PGM2L1: variants seen among roughly 807,000 people sequenced by gnomAD.
PGM2L1 encodes the protein phosphoglucomutase 2 like 1, also known as glucose 1,6-bisphosphate synthase.
A neutral mutation model predicts 73.4 loss-of-function variants in PGM2L1; 35 were observed. The observed-to-expected ratio is 0.48, with a 90% CI of 0.36 to 0.63. PGM2L1 has a LOEUF of 0.63. Among genes scored for constraint, PGM2L1 ranks in the 30% least tolerant of loss-of-function variants. PGM2L1 has a pLI of 0.00. For missense variants in PGM2L1, 570 were observed against 742.0 expected (o/e 0.77, Z 2.69); for synonymous variants, 225 against 253.8 (o/e 0.89, Z 1.08).
rs757886817 is a variant in PGM2L1 at position 74,351,517 on chromosome 11, A to G, written c.615T>C (p.Cys205=). The G allele has an allele frequency of 1.2e-6, 2 of 1,613,534 alleles. No individual in the cohort carries two copies. The highest frequency in any genetic ancestry group is 1.7e-5 in the Admixed American group (1 of 59,928). The change falls in exon 6 of 14, where the codon TGT becomes TGC. Residue 205 remains cysteine (C), a synonymous_variant. Coordinates refer to ENST00000298198, the MANE Select transcript of PGM2L1 (RefSeq NM_173582.6). ...TSPHDKEILK[C]IEECVEPWNG... The stretch of plus-strand genomic sequence containing the variant: ...TCCAGGGTTCCACACATTCTTCTAT[A>G]CATTTTAGAATTTCTTTATCATGAG...
chr11:74,342,243 G>T (rs986341307), intron 12 of PGM2L1, among the ~76,000 whole-genome samples: 1 of 151,992 alleles, frequency 6.6e-6, no homozygotes, highest in Non-Finnish European at 1.5e-5. Flanking sequence ...TAAACACGTG[G>T]ACTTGCTGGG....
intron 13 of PGM2L1, among the ~76,000 whole-genome samples, chr11:74,337,243 C>T (rs112701232): frequency 0.018 from 2,734 of 152,320 alleles, 48 homozygotes; most frequent in African/African-American, 0.034. Flanking sequence ...GAGGTGCTGC[C>T]GTTGCCCAGA....
At chr11:74,397,999 G>A in intron 1 of PGM2L1, 52 bp downstream of exon 1, 5 of 1,538,124 alleles carry the variant, frequency 3.3e-6, no homozygotes, top group Non-Finnish European at 4.4e-6. Flanking sequence ...ACAGGAAAGA[G>A]CAGACTGTGT....
chr11:74,389,747 A>C (rs1010863652), intron 1 of PGM2L1, among the ~76,000 whole-genome samples: 4 of 150,258 alleles, frequency 2.7e-5, no homozygotes, highest in East Asian at 4.0e-4. Flanking sequence ...ACTGCGCCCG[A>C]CCGGGAAAAT....
At chr11:74,395,715 T>G (rs1863165754) in intron 1 of PGM2L1, among the ~76,000 whole-genome samples, 1 of 151,938 alleles carries the variant, frequency 6.6e-6, no homozygotes, top group Non-Finnish European at 1.5e-5. Context: ...CCTCTCTTCA[T>G]TCTTTTTATG....
chr11:74,376,564 GTA>G (rs1277214955), intron 1 of PGM2L1, among the ~76,000 whole-genome samples: 3 of 150,970 alleles, frequency 2.0e-5, no homozygotes, highest in African/African-American at 7.3e-5. Context: ...TATCTAATGA[GTA>G]TATATGTGTA....
chr11:74,342,783 T>C (rs1023017896), intron 11 of PGM2L1, 102 bp downstream of exon 11: 1 of 1,406,380 alleles, frequency 7.1e-7, no homozygotes, highest in Non-Finnish European at 9.5e-7. Flanking sequence ...TTAATACTTT[T>C]TAAAAAAGGA....
At chr11:74,366,049 C>A (rs1030343146) in intron 5 of PGM2L1, among the ~76,000 whole-genome samples, 1 of 152,122 alleles carries the variant, frequency 6.6e-6, no homozygotes, top group African/African-American at 2.4e-5. Flanking sequence ...AGGATGAGCT[C>A]ATGTCCTTTG....
chr11:74,378,251 G>A (rs1295634174), intron 1 of PGM2L1, among the ~76,000 whole-genome samples: 2 of 151,838 alleles, frequency 1.3e-5, no homozygotes, highest in African/African-American at 2.4e-5. Context: ...TTAGTGAGCC[G>A]AGATTGCGCC....
intron 1 of PGM2L1, among the ~76,000 whole-genome samples, chr11:74,389,125 T>A (rs1795852969): frequency 1.3e-5 from 2 of 152,134 alleles, no homozygotes; most frequent in African/African-American, 4.8e-5. Flanking sequence ...TGTAACCAGG[T>A]GTGATGGCTT....
At chr11:74,386,081 G>A (rs625153) in intron 1 of PGM2L1, among the ~76,000 whole-genome samples, 144,796 of 152,212 alleles carry the variant, frequency 0.95, 69,309 homozygotes, top group Non-Finnish European at 0.98. Flanking sequence ...TATGTTCTAC[G>A]TGATAAAAAT....
In PGM2L1 at chr11:74,342,454, T is replaced by C. The variant is rs1862197109; in HGVS notation, c.1632+7A>G. The C allele has an allele frequency of 2.1e-6, 3 of 1,417,260 alleles. No homozygotes were observed. In the African/African-American group the frequency reaches 4.4e-5, roughly 21 times the overall value. The allele number at this position is 1,417,260 out of a possible 1,614,324, so 87.8% of individuals were successfully genotyped here. A position where few individuals can be genotyped will look rare whatever the true frequency, so the allele number is the denominator to read the frequency against. The stretch of plus-strand genomic sequence containing the variant: ...TAAATTGTTTGGAAAAAAAAAAAGG[T>C]ACTTACTGATTTCTTATTAGGCTGG... On this transcript the variant is annotated splice_region_variant and intron_variant, in intron 12 of 13. Coordinates refer to ENST00000298198, the MANE Select transcript of PGM2L1 (RefSeq NM_173582.6).
Position 74,347,200 on chromosome 11 carries a change from G to A in PGM2L1, c.887C>T (p.Pro296Leu). ...TGGACATTTAACGGTAGAAAAGTCT[G>A]GATCAGGATCTTTTTGTTCTGGTAC... ...IPVPEQKDPD[P>L]DFSTVKCPNP... Residue 296 changes from proline to leucine, a missense_variant, in exon 7 of 14, where the codon CCA becomes CTA. Physicochemically the swap from Pro to Leu is moderately conservative, Grantham distance 98 (BLOSUM62 -3). Coordinates refer to ENST00000298198, the MANE Select transcript of PGM2L1 (RefSeq NM_173582.6). The A allele has an allele frequency of 4.3e-6, 7 of 1,609,390 alleles. No individual in the cohort carries two copies. Among genetic ancestry groups the A allele is most frequent in the Non-Finnish European group, 5.1e-6 (6 of 1,177,864 alleles).
chr11:74,368,996 G>T (rs1862707116), intron 4 of PGM2L1, among the ~76,000 whole-genome samples: 1 of 152,060 alleles, frequency 6.6e-6, no homozygotes, highest in Non-Finnish European at 1.5e-5. Context: ...CTGATACTAT[G>T]CTTTTGTTAA....
chr11:74,342,244 A>C (rs1210344565), intron 12 of PGM2L1, among the ~76,000 whole-genome samples: 1 of 152,066 alleles, frequency 6.6e-6, no homozygotes, highest in African/African-American at 2.4e-5. Context: ...AAACACGTGG[A>C]CTTGCTGGGA....
rs749629016 is a variant in PGM2L1 at position 74,342,477 on chromosome 11, T to C, written c.1616A>G (p.Gln539Arg). The change falls in exon 12 of 14, where the codon CAG (glutamine) becomes CGG (arginine). Residue 539 changes from glutamine to arginine, a missense_variant. Coordinates refer to ENST00000298198, the MANE Select transcript of PGM2L1 (RefSeq NM_173582.6). ...GGTACTTACTGATTTCTTATTAGGC[T>C]GGCTACTGTCATATCCAGTGGTAAC... ...RDVTTGYDSS[Q>R]PNKKSVLPVS... The C allele has an allele frequency of 7.4e-6, 11 of 1,479,952 alleles. No homozygotes were observed. The highest frequency in any genetic ancestry group is 9.0e-6 in the Non-Finnish European group (10 of 1,112,914). 91.7% of individuals were successfully genotyped at this position (1,479,952 alleles called of 1,614,324 possible). A position where few individuals can be genotyped will look rare whatever the true frequency, so the allele number is the denominator to read the frequency against.
At position 74,387,386 on chromosome 11, in the gene PGM2L1, C is replaced by A. The variant is rs566160635; in HGVS notation, c.111+10665G>T. ...AAAAAATGGAAATAACTACCTCAAA[C>A]AATCCTTGGGAGAATTAAGAGACTT... is the stretch of plus-strand genomic sequence containing the variant. On this transcript the variant is annotated intron_variant, in intron 1 of 13. Coordinates refer to ENST00000298198, the MANE Select transcript of PGM2L1 (RefSeq NM_173582.6). Among the ~76,000 whole-genome samples the A allele has an allele frequency of 2.6e-5, 4 of 152,316 alleles. No individual in the cohort carries two copies. In the East Asian group the frequency reaches 7.7e-4, roughly 29 times the overall value.
rs1205337331 is a variant in PGM2L1, at chr11:74,333,436, A to G, written c.*3216T>C. 6.6e-6 allele frequency: 1 copy of G among 152,202 alleles called. No homozygotes were observed. The highest frequency in any genetic ancestry group is 1.5e-5 in the Non-Finnish European group (1 of 68,036). The allele number at this position is 152,202 out of a possible 1,614,324, so 9.4% of individuals were successfully genotyped here. On this transcript the variant is annotated 3_prime_UTR_variant, in exon 14 of 14. Transcript: ENST00000298198. ...AGCTTTCTCCTCTCCAGAGTCAAAC[A>G]ATCTTTATTCCTTGAACTTTTTCTC...
chr11:74,388,652 T>C (rs58206408), intron 1 of PGM2L1, among the ~76,000 whole-genome samples: 5,592 of 152,266 alleles, frequency 0.037, 110 homozygotes, highest in Middle Eastern at 0.092. Context: ...AGATATGGTA[T>C]TTTTCATTTA....
Sources: allele counts gnomAD v4.1 joint callset (sites outside exome capture counted in the v4.1 genomes callset), GRCh38; gene constraint gnomAD v4.1.1; transcripts MANE v1.5; gene names NCBI Gene and HGNC (gene_info 2026-07-23, HGNC 2026-07-21).